The following NT5C3A variants were observed in gnomAD, a reference collection of about 807,000 sequenced individuals.
The protein encoded by NT5C3A is cytosolic 5'-nucleotidase 3A.
A neutral mutation model predicts 40.0 loss-of-function variants in NT5C3A; 23 were observed. That is an observed-to-expected ratio of 0.58 (90% CI 0.41 to 0.81). NT5C3A has a LOEUF of 0.81. Ranked by LOEUF, NT5C3A falls within the 40% of genes least tolerant of loss-of-function variation. The pLI, the probability that NT5C3A is intolerant of heterozygous loss-of-function variation, is 0.00. For missense variants in NT5C3A, 328 were observed against 403.0 expected, an observed-to-expected ratio of 0.81 and a Z score of 1.59; for synonymous variants, 130 against 141.4, an observed-to-expected ratio of 0.92 and a Z score of 0.57.
intron 2 of NT5C3A, among the ~76,000 whole-genome samples, chr7:33,025,461 A>G (rs1023210267): frequency 7.2e-5 from 11 of 152,110 alleles, no homozygotes; most frequent in African/African-American, 2.7e-4. Flanking sequence ...TAAAAAAGGA[A>G]TAATTTTTTT....
intron 1 of NT5C3A, among the ~76,000 whole-genome samples, chr7:33,035,189 G>GTT (rs35769309): frequency 0.026 from 2,753 of 106,032 alleles, 128 homozygotes; most frequent in African/African-American, 0.047. Context: ...TAAGGAATGA[G>GTT]TTTTTTTTTT....
chr7:33,020,769 T>C (rs1785580315), intron 5 of NT5C3A, among the ~76,000 whole-genome samples: 3 of 120,542 alleles, frequency 2.5e-5, no homozygotes, highest in African/African-American at 9.9e-5. Context: ...AAGTTTGTCA[T>C]GATCTATTTT....
At chr7:33,032,456 TTTTTTA>T (rs1786330655) in intron 1 of NT5C3A, among the ~76,000 whole-genome samples, 3 of 151,152 alleles carry the variant, frequency 2.0e-5, no homozygotes, top group East Asian at 1.9e-4. Context: ...ACTTTTATGT[TTTTTTA>T]TTTTTATTTT....
chr7:33,017,926 T>C (rs957371379), intron 6 of NT5C3A, among the ~76,000 whole-genome samples: 4 of 152,252 alleles, frequency 2.6e-5, no homozygotes, highest in African/African-American at 4.8e-5. Context: ...ATGCCTATAG[T>C]CCCAGCTATT....
chr7:33,015,689 A>G lies in NT5C3A; in HGVS notation c.875T>C (p.Ile292Thr). 2 of 1,608,410 alleles carry G rather than the reference A, an allele frequency of 1.2e-6. No homozygotes were observed. The highest frequency in any genetic ancestry group is 2.2e-5 in the East Asian group (1 of 44,834). ...GVANVEHILK[I>T]GYLNDRVDEL... ...ACTTACTCTATCATTTAGATATCCAATTTTCAGAATGTGCTCAACATTGGC... is the reference window on the plus strand; with the variant it reads ...ACTTACTCTATCATTTAGATATCCAGTTTTCAGAATGTGCTCAACATTGGC... The change falls in exon 8 of 9, where the codon ATT becomes ACT. Residue 292 changes from isoleucine to threonine, a missense_variant. Around this residue, in one of 3 missense-constraint regions of NT5C3A, gnomAD observed 36 missense variants for 51.1 expected, o/e 0.70. Transcript: ENST00000610140.
intron 1 of NT5C3A, among the ~76,000 whole-genome samples, chr7:33,060,233 G>A (rs1345792155): frequency 1.3e-5 from 2 of 152,144 alleles, no homozygotes; most frequent in African/African-American, 2.4e-5. Flanking sequence ...GATTGCAGGC[G>A]TGAGCCACTG....
At chr7:33,046,531 C>A (rs1174525059) in intron 1 of NT5C3A, among the ~76,000 whole-genome samples, 4 of 147,530 alleles carry the variant, frequency 2.7e-5, no homozygotes, top group Admixed American at 6.7e-5. Context: ...GAGGTTGTCT[C>A]AAAAAAAAAA....
chr7:33,041,104 T>C, intron 1 of NT5C3A: 1 of 985,136 alleles, frequency 1.0e-6, no homozygotes, highest in Non-Finnish European at 1.2e-6. Context: ...TGAAGTTATG[T>C]GACGATTAAA....
chr7:33,053,180 T>C (rs1787439462), intron 1 of NT5C3A, among the ~76,000 whole-genome samples: 1 of 152,080 alleles, frequency 6.6e-6, no homozygotes, highest in Non-Finnish European at 1.5e-5. Context: ...CAAGACACTG[T>C]CTGTTTTTGT....
At chr7:33,027,719 CGATT>C (rs778929999) in intron 1 of NT5C3A, among the ~76,000 whole-genome samples, 66 of 152,228 alleles carry the variant, frequency 4.3e-4, no homozygotes, top group African/African-American at 1.3e-3. Context: ...AGCTACCCCT[CGATT>C]GATTAATTTT....
At chr7:33,054,952 G>T (rs999135690) in intron 1 of NT5C3A, among the ~76,000 whole-genome samples, 3 of 152,182 alleles carry the variant, frequency 2.0e-5, no homozygotes, top group African/African-American at 7.2e-5. Context: ...ACATACAAAG[G>T]AGGTGGCTAT....
At chr7:33,036,232 C>T (rs902579821) in intron 1 of NT5C3A, 7 of 507,418 alleles carry the variant, frequency 1.4e-5, no homozygotes, top group African/African-American at 1.2e-4. Context: ...TCAATGAAAC[C>T]TATGTCCTTT....
At chr7:33,043,779 G>T (rs1164149618) in intron 1 of NT5C3A, among the ~76,000 whole-genome samples, 1 of 152,192 alleles carries the variant, frequency 6.6e-6, no homozygotes, top group Non-Finnish European at 1.5e-5. Flanking sequence ...TAGGAGTGGG[G>T]TGGGAGTGAG....
At chr7:33,048,228 A>G (rs1787232911) in intron 1 of NT5C3A, among the ~76,000 whole-genome samples, 1 of 151,478 alleles carries the variant, frequency 6.6e-6, no homozygotes, top group South Asian at 2.1e-4. Context: ...GATTTTTAGT[A>G]GAGATGAGGT....
At chr7:33,018,387 T>C (rs886130349) in intron 6 of NT5C3A, among the ~76,000 whole-genome samples, 1 of 152,228 alleles carries the variant, frequency 6.6e-6, no homozygotes, top group Non-Finnish European at 1.5e-5. Flanking sequence ...AATGCTAATG[T>C]TGCCTACTAA....
At chr7:33,029,769 G>T in intron 1 of NT5C3A, 6 of 1,145,452 alleles carry the variant, frequency 5.2e-6, no homozygotes, top group Non-Finnish European at 7.0e-6. Context: ...GTCTTGCTGT[G>T]TTTCCCAGGC....
intron 6 of NT5C3A, among the ~76,000 whole-genome samples, chr7:33,018,997 T>C (rs1425527560): frequency 6.6e-6 from 1 of 152,098 alleles, no homozygotes; most frequent in African/African-American, 2.4e-5. Flanking sequence ...CTGCCAGGCA[T>C]GGTGGCTCAC....
At chr7:33,050,336 C>A (rs182034515) in intron 1 of NT5C3A, among the ~76,000 whole-genome samples, 1 of 152,194 alleles carries the variant, frequency 6.6e-6, no homozygotes, top group East Asian at 1.9e-4. Context: ...TTTCTTAAGC[C>A]GACTATAGTA....
intron 1 of NT5C3A, among the ~76,000 whole-genome samples, chr7:33,056,738 C>T (rs1349927825): frequency 1.3e-5 from 2 of 152,044 alleles, no homozygotes; most frequent in African/African-American, 4.8e-5. Flanking sequence ...GTTGCTTCTC[C>T]CTTCTTTTTT....
Sources: gnomAD v4.1 joint callset for allele counts (sites outside exome capture counted in the v4.1 genomes callset) on GRCh38, gnomAD v4.1.1 for gene constraint, gnomAD v4.1.1 regional missense constraint, MANE v1.5 for transcripts, NCBI Gene and HGNC (gene_info 2026-07-23, HGNC 2026-07-21) for gene names.